Variants in ADAT1 observed in about 807,000 individuals in gnomAD.
ADAT1 encodes the protein tRNA-specific adenosine deaminase 1.
Under a neutral mutation model 58.6 loss-of-function variants are expected in ADAT1, and 58 were observed. The observed-to-expected ratio is 0.99, with a 90% CI of 0.80 to 1.23. ADAT1 has a LOEUF of 1.23. Ranked by LOEUF, ADAT1 falls within the 50% of genes most tolerant of loss-of-function variation. ADAT1 has a pLI of 0.00. For synonymous variants in ADAT1, 254 were observed against 220.8 expected, an observed-to-expected ratio of 1.15 and a Z score of -1.33; for missense variants, 741 against 608.6, an observed-to-expected ratio of 1.22 and a Z score of -2.29.
In ADAT1 at chr16:75,598,701, CAG is replaced by C. The variant is rs947875088; in HGVS notation, c.*1513_*1514del. 6.0e-5 allele frequency among the ~76,000 whole-genome samples: 9 copies of C among 150,732 alleles called. No individual in the cohort carries two copies. The highest frequency in any genetic ancestry group is 1.2e-4 in the Non-Finnish European group (8 of 67,654). ...GCCCGGCTAATTTTTGTATTTTTAGCAGAGACGGGGTTTCATCATGTTGGCCA... is the reference window on the plus strand; with the variant it reads ...GCCCGGCTAATTTTTGTATTTTTAGCAGACGGGGTTTCATCATGTTGGCCA... On this transcript the variant is annotated 3_prime_UTR_variant, in exon 10 of 10. Transcript: ENST00000564657.
chr16:75,614,917 G>A (rs1203893669), intron 5 of ADAT1, among the ~76,000 whole-genome samples: 1 of 152,000 alleles, frequency 6.6e-6, no homozygotes. Context: ...TTCCATCAAG[G>A]AAGATCTTTA....
intron 1 of ADAT1, 57 bp from the exon 2 acceptor site, chr16:75,620,877 T>C (rs994112917): frequency 1.4e-6 from 2 of 1,448,692 alleles, no homozygotes; most frequent in East Asian, 2.3e-5. Context: ...TGCACGATGC[T>C]ACAGCCTCTC....
Position 75,608,888 on chromosome 16 carries a change from C to A in ADAT1, c.1144G>T (p.Ala382Ser). 6.2e-7 allele frequency: 1 copy of A among 1,613,212 alleles called. No individual in the cohort carries two copies. Among genetic ancestry groups the A allele is most frequent in the Non-Finnish European group, 8.5e-7 (1 of 1,179,792 alleles). ...CGACCTGGGCTATCAGCCCTTTTTG[C>A]CTGCACCGCACTGCGGCTCTGTTCA... ...LFEQSRSAVQ[A>S]KRADSPGRLV... The change falls in exon 7 of 10, where the codon GCA becomes TCA. Residue 382 changes from alanine to serine, a missense_variant. Ala to Ser is a moderately conservative substitution (Grantham distance 99, BLOSUM62 1). Coordinates refer to ENST00000564657, the MANE Select transcript of ADAT1 (RefSeq NM_001324445.2).
intron 8 of ADAT1, among the ~76,000 whole-genome samples, chr16:75,604,358 A>G (rs1278590329): frequency 7.0e-6 from 1 of 143,842 alleles, no homozygotes; most frequent in Non-Finnish European, 1.5e-5. Flanking sequence ...ACTTGAACCC[A>G]GGAGGCAGAG....
rs769583553 is a variant in ADAT1, at chr16:75,609,006, T to C, written c.1044-18A>G. On this transcript the variant is annotated intron_variant, in intron 6 of 9. Transcript: ENST00000564657. The stretch of plus-strand genomic sequence containing the variant: ...TCTGACACCTAAATACAAGGGAAAA[T>C]GCATTCAGTTTAGGTGCATGCCTAG... 4.6e-5 allele frequency: 74 copies of C among 1,613,922 alleles called. No individual in the cohort carries two copies. Among genetic ancestry groups the C allele is most frequent in the Non-Finnish European group, 5.7e-5 (67 of 1,179,980 alleles).
Position 75,599,447 on chromosome 16 carries a change from A to G in ADAT1, c.*769T>C. Reference sequence around the variant, plus strand: ...CAGAAAACCAACACAAACAGGCTTAATCAAAATAACAACAGGAATCTGTCT... The same window carrying G: ...CAGAAAACCAACACAAACAGGCTTAGTCAAAATAACAACAGGAATCTGTCT... On this transcript the variant is annotated 3_prime_UTR_variant, in exon 10 of 10. Transcript: ENST00000564657. The G allele has an allele frequency of 5.1e-6, 5 of 985,866 alleles. No individual in the cohort carries two copies. The highest frequency in any genetic ancestry group is 6.0e-6 in the Non-Finnish European group (5 of 829,944). 61.1% of individuals were successfully genotyped at this position (985,866 alleles called of 1,614,324 possible). A position where few individuals can be genotyped will look rare whatever the true frequency, so the allele number is the denominator to read the frequency against.
chr16:75,607,854 G>A (rs1047392620), intron 8 of ADAT1, among the ~76,000 whole-genome samples: 6 of 152,092 alleles, frequency 3.9e-5, no homozygotes, highest in East Asian at 1.9e-4. Flanking sequence ...ATTCATGAAC[G>A]AATGGCAAAC....
Position 75,599,345 on chromosome 16 carries a change from G to C in ADAT1, c.*871C>G. 2 of 982,946 alleles carry C rather than the reference G, an allele frequency of 2.0e-6. No homozygotes were observed. The highest frequency in any genetic ancestry group is 1.1e-4 in the East Asian group (1 of 8,786). 60.9% of individuals were successfully genotyped at this position (982,946 alleles called of 1,614,324 possible). Reference sequence around the variant, plus strand: ...GATCTGCCTGCCTGGGCTTCCCAAAGTGCTGGGATTACAGGCCTGAGCCAC... The same window carrying C: ...GATCTGCCTGCCTGGGCTTCCCAAACTGCTGGGATTACAGGCCTGAGCCAC... On this transcript the variant is annotated 3_prime_UTR_variant, in exon 10 of 10. Coordinates refer to ENST00000564657, the MANE Select transcript of ADAT1 (RefSeq NM_001324445.2).
At chr16:75,615,706 G>T (rs1391006436) in intron 5 of ADAT1, among the ~76,000 whole-genome samples, 2 of 152,010 alleles carry the variant, frequency 1.3e-5, no homozygotes, top group East Asian at 3.9e-4. Flanking sequence ...GGATCACCCC[G>T]GTCCTAGCTA....
Position 75,603,091 on chromosome 16 carries a change from G to A in ADAT1, c.1370C>T (p.Ser457Phe), listed in dbSNP as rs749428527. 16 of 1,613,580 alleles carry A rather than the reference G, an allele frequency of 9.9e-6. No individual in the cohort carries two copies. Among genetic ancestry groups the A allele is most frequent in the Non-Finnish European group, 1.4e-5 (16 of 1,179,578 alleles). The change falls in exon 9 of 10, where the codon TCC becomes TTC. Residue 457 changes from serine to phenylalanine, a missense_variant. Transcript: ENST00000564657. ...CATAGGTCAACAGCATCACCTGAGG[G>A]AGTGTGGCCACTTGTCCCTTGCAAT... is the stretch of plus-strand genomic sequence containing the variant. ...SRIARDKWPH[S>F]LRVQKLDTYQ...
At chr16:75,602,076 G>A (rs751255407) in intron 9 of ADAT1, 4 of 152,128 alleles carry the variant, frequency 2.6e-5, no homozygotes, top group African/African-American at 9.7e-5. Context: ...ATAGTTTCAG[G>A]ATGATACCGG....
At chr16:75,622,183 G>C (rs943188449) in intron 1 of ADAT1, among the ~76,000 whole-genome samples, 2 of 152,182 alleles carry the variant, frequency 1.3e-5, no homozygotes, top group Non-Finnish European at 2.9e-5. Flanking sequence ...GAGCTCCAGT[G>C]CATGCAGCTT....
intron 8 of ADAT1, among the ~76,000 whole-genome samples, chr16:75,604,731 A>G (rs1412969822): frequency 3.3e-5 from 5 of 152,054 alleles, no homozygotes; most frequent in African/African-American, 1.2e-4. Flanking sequence ...TTTATTCAAC[A>G]TTATACAGAA....
rs567353889 is a variant in ADAT1 at position 75,612,421 on chromosome 16, C to G, written c.865G>C (p.Gly289Arg). The change falls in exon 6 of 10, where the codon GGC becomes CGC. Residue 289 changes from glycine (G) to arginine (R), a missense_variant. Coordinates refer to ENST00000564657, the MANE Select transcript of ADAT1 (RefSeq NM_001324445.2). ...HQVGLLRVKP[G>R]RGDRTRSMSC... The stretch of plus-strand genomic sequence containing the variant: ...ATGGAGCGTGTTCTGTCTCCACGGC[C>G]TGGCTTCACTCGGAGCAGCCCCACC... 1 of 1,614,256 alleles carries G rather than the reference C, an allele frequency of 6.2e-7. No individual in the cohort carries two copies. Among genetic ancestry groups the G allele is most frequent in the South Asian group, 1.1e-5 (1 of 91,090 alleles).
chr16:75,618,530 A>T (rs1364365291), intron 4 of ADAT1, 56 bp downstream of exon 4: 2 of 1,309,668 alleles, frequency 1.5e-6, no homozygotes, highest in East Asian at 2.4e-5. Context: ...AAAAAAGTAA[A>T]TTCCGGGACT....
intron 8 of ADAT1, 36 bp from the exon 9 acceptor site, chr16:75,603,207 G>C: frequency 6.4e-7 from 1 of 1,572,704 alleles, no homozygotes; most frequent in South Asian, 1.1e-5. Context: ...GATTTATTAA[G>C]TGTTTAGTAT....
intron 9 of ADAT1, chr16:75,601,765 A>G (rs1451125878): frequency 6.6e-6 from 1 of 152,216 alleles, no homozygotes; most frequent in Non-Finnish European, 1.5e-5. Context: ...CCTTAGAAGT[A>G]TCTCCTCACC....
At position 75,623,118 on chromosome 16, in the gene ADAT1, T is replaced by A. The variant is rs1288012677; in HGVS notation, c.-737A>T. On this transcript the variant is annotated 5_prime_UTR_variant, in exon 1 of 10. Transcript: ENST00000564657. ...TCCAGGCGTGGAGCGCCTTCCCACG[T>A]GAAACGCGTCCCGGAAGATACGATC... The A allele has an allele frequency of 6.6e-6, 1 of 152,180 alleles. No homozygotes were observed. The highest frequency in any genetic ancestry group is 2.4e-5 in the African/African-American group (1 of 41,338). The allele number at this position is 152,180 out of a possible 1,614,324, so 9.4% of individuals were successfully genotyped here. A position where few individuals can be genotyped will look rare whatever the true frequency, so the allele number is the denominator to read the frequency against.
chr16:75,612,943 A>T (rs1046182917), intron 5 of ADAT1, 82 bp from the exon 6 acceptor site: 1 of 1,508,240 alleles, frequency 6.6e-7, no homozygotes, highest in Non-Finnish European at 8.9e-7. Context: ...TTGGGAATTC[A>T]TCAGAAATGC....
Sources: gnomAD v4.1 joint callset for allele counts (sites outside exome capture counted in the v4.1 genomes callset) on GRCh38, gnomAD v4.1.1 for gene constraint, MANE v1.5 for transcripts, NCBI Gene and HGNC (gene_info 2026-07-23, HGNC 2026-07-21) for gene names.